ZNF783: variants seen among roughly 807,000 people sequenced by gnomAD.
ZNF783 encodes the protein zinc finger protein 783.
A neutral mutation model predicts 31.3 loss-of-function variants in ZNF783; 25 were observed. The ratio of observed to expected loss-of-function variants is 0.80; its 90% CI spans 0.58 to 1.11. ZNF783 has a LOEUF of 1.11. ZNF783 is among the 50% of genes most tolerant of loss of function. The pLI is 0.00. For synonymous variants in ZNF783, 369 were observed against 319.1 expected (o/e 1.16, Z -1.66); for missense variants, 797 against 760.0 (o/e 1.05, Z -0.57).
intron 4 of ZNF783, among the ~76,000 whole-genome samples, chr7:149,270,175 G>A (rs1359122010): frequency 6.6e-6 from 1 of 152,110 alleles, no homozygotes; most frequent in Non-Finnish European, 1.5e-5. Flanking sequence ...TAATCCTTTG[G>A]GTATATACCC....
chr7:149,280,630 T>C (rs1333381714), intron 5 of ZNF783, among the ~76,000 whole-genome samples: 3 of 152,186 alleles, frequency 2.0e-5, no homozygotes, highest in Non-Finnish European at 4.4e-5. Flanking sequence ...TGTGGTCCGA[T>C]GATGATGGAA....
At chr7:149,274,144 A>C (rs1230424521) in intron 4 of ZNF783, among the ~76,000 whole-genome samples, 4 of 152,320 alleles carry the variant, frequency 2.6e-5, no homozygotes, top group Admixed American at 2.6e-4. Flanking sequence ...ATCTTTGCCC[A>C]GAACAATGTC....
At chr7:149,277,707 C>G (rs1272336191) in intron 4 of ZNF783, 1 of 149,950 alleles carries the variant, frequency 6.7e-6, no homozygotes, top group South Asian at 2.1e-4. Flanking sequence ...CCACTGCACT[C>G]CAGCCTGGGC....
chr7:149,266,490 C>T lies in ZNF783; in HGVS notation c.180C>T (p.Cys60=). The change falls in exon 2 of 6, where the codon TGC becomes TGT. Residue 60 remains cysteine (C), a synonymous_variant. Transcript: ENST00000434415. ...CCTTGGAGAAGAAGGTGGATTCCTG[C>T]CTGACCCGCTTGCTGACTCTGGAGG... ...IQALEKKVDS[C]LTRLLTLEGR... is the part of the protein sequence containing the mutation. 5 of 1,613,228 alleles carry T rather than the reference C, an allele frequency of 3.1e-6. No individual in the cohort carries two copies. The South Asian group carries it at 4.4e-5, about 14-fold the overall frequency.
chr7:149,266,512 G>T lies in ZNF783; in HGVS notation c.202G>T (p.Glu68Ter). ...DSCLTRLLTLEGRTGTAEKKL... is the reference protein window; with the variant it reads ...DSCLTRLLTL ...CTGCCTGACCCGCTTGCTGACTCTG[G>T]AGGGGCGCACGGGGACAGCCGAGAA... Residue 68 changes from glutamate to a stop codon, truncating the protein, a stop_gained, in exon 2 of 6, where the codon GAG (glutamate) becomes TAG (stop). Transcript: ENST00000434415. LOFTEE classifies it high-confidence loss of function. The T allele has an allele frequency of 6.2e-7, 1 of 1,614,028 alleles. No individual in the cohort carries two copies.
At position 149,282,350 on chromosome 7, in the gene ZNF783, A is replaced by G. The variant is rs1329442353; in HGVS notation, c.*7A>G. 1.3e-6 allele frequency: 2 copies of G among 1,490,908 alleles called. No homozygotes were observed. Among genetic ancestry groups the G allele is most frequent in the East Asian group, 2.5e-5 (1 of 40,642 alleles). The allele number at this position is 1,490,908 out of a possible 1,614,324, so 92.4% of individuals were successfully genotyped here. On this transcript the variant is annotated 3_prime_UTR_variant, in exon 6 of 6. Coordinates refer to ENST00000434415, the MANE Select transcript of ZNF783 (RefSeq NM_001195220.2). ...CCGGAAGGAGGAGGGCTGACCTGGC[A>G]GGAGCCCACAGAGGACCCCTGGCGG...
intron 4 of ZNF783, among the ~76,000 whole-genome samples, chr7:149,273,554 T>A (rs1342333924): frequency 6.6e-6 from 1 of 152,154 alleles, no homozygotes; most frequent in South Asian, 2.1e-4. Context: ...CTTTTTTTTT[T>A]TTTTGAGATA....
intron 4 of ZNF783, among the ~76,000 whole-genome samples, chr7:149,269,869 G>A (rs1283125118): frequency 1.5e-5 from 2 of 133,600 alleles, no homozygotes; most frequent in African/African-American, 5.8e-5. Context: ...CCCTTTCTGT[G>A]TCCATGTGTT....
intron 4 of ZNF783, among the ~76,000 whole-genome samples, chr7:149,269,725 T>A (rs985458189): frequency 2.0e-5 from 3 of 152,084 alleles, no homozygotes; most frequent in African/African-American, 7.2e-5. Flanking sequence ...AATGTGCAGG[T>A]TTGTTACATA....
rs752231991 is a variant in ZNF783, at chr7:149,266,403, G to A, written c.93G>A (p.Glu31=). ...CACCCTTGCCCCAGCCAGCTGCTGA[G>A]AAGAACTCGTACCTCTACTCCACGG... The part of the protein sequence containing the change: ...PSTPLPQPAA[E]KNSYLYSTEI... Residue 31 remains glutamate, a synonymous_variant, in exon 2 of 6, where the codon GAG becomes GAA. Coordinates refer to ENST00000434415, the MANE Select transcript of ZNF783 (RefSeq NM_001195220.2). 1 of 1,600,836 alleles carries A rather than the reference G, an allele frequency of 6.2e-7. No individual in the cohort carries two copies. The highest frequency in any genetic ancestry group is 1.1e-5 in the South Asian group (1 of 91,042).
In ZNF783 at chr7:149,281,635, C is replaced by T. The variant is rs1797468898; in HGVS notation, c.933C>T (p.Gly311=). The change falls in exon 6 of 6, where the codon GGC becomes GGT. Residue 311 remains glycine, a synonymous_variant. Transcript: ENST00000434415. Reference sequence around the variant, plus strand: ...GAGGGCCCAGGAACAGGCCTGGGGGCCCCAGCCGTCATCAGGCCCAGGGCA... The same window carrying T: ...GAGGGCCCAGGAACAGGCCTGGGGGTCCCAGCCGTCATCAGGCCCAGGGCA... ...IPRGPRNRPG[G]PSRHQAQGMP... 6.5e-7 allele frequency: 1 copy of T among 1,544,056 alleles called. No homozygotes were observed. Among genetic ancestry groups the T allele is most frequent in the Non-Finnish European group, 8.6e-7 (1 of 1,157,424 alleles).
intron 4 of ZNF783, 32 bp from the exon 5 acceptor site, chr7:149,278,367 T>G (rs1563198458): frequency 6.3e-7 from 1 of 1,598,404 alleles, no homozygotes; most frequent in South Asian, 1.1e-5. Context: ...ACCTCCATGT[T>G]GTGCTCAATG....
intron 1 of ZNF783, among the ~76,000 whole-genome samples, chr7:149,262,685 C>G (rs889053917): frequency 2.0e-5 from 3 of 152,192 alleles, no homozygotes; most frequent in South Asian, 2.1e-4. Context: ...CGCGGCCCCC[C>G]CTACAGCAGG....
At position 149,266,726 on chromosome 7, in the gene ZNF783, C is replaced by T; in HGVS notation, c.416C>T (p.Pro139Leu). Reference sequence around the variant, plus strand: ...CCCCCGGGCAGCAAGGGGGAGGCCCCCAAGGTAGCACCGGGACACCCTGGG... The same window carrying T: ...CCCCCGGGCAGCAAGGGGGAGGCCCTCAAGGTAGCACCGGGACACCCTGGG... The part of the protein sequence containing the change: ...RLPPGSKGEA[P>L]KVPVTFDDVA... The change falls in exon 2 of 6, where the codon CCC (proline) becomes CTC (leucine). Residue 139 changes from proline to leucine, a missense_variant. By Grantham distance (98) the Pro-to-Leu change is moderately conservative. Coordinates refer to ENST00000434415, the MANE Select transcript of ZNF783 (RefSeq NM_001195220.2). 1 of 1,613,752 alleles carries T rather than the reference C, an allele frequency of 6.2e-7. No individual in the cohort carries two copies. The highest frequency in any genetic ancestry group is 8.5e-7 in the Non-Finnish European group (1 of 1,179,830).
chr7:149,278,233 G>A (rs2129525131), intron 4 of ZNF783, 166 bp from the exon 5 acceptor site: 2 of 1,423,784 alleles, frequency 1.4e-6, no homozygotes, highest in Non-Finnish European at 1.8e-6. Flanking sequence ...GCTTTAGACT[G>A]GAATCTAGCT....
Position 149,266,352 on chromosome 7 carries a change from G to T in ZNF783, c.42G>T (p.Lys14Asn). 1 of 1,589,006 alleles carries T rather than the reference G, an allele frequency of 6.3e-7. No homozygotes were observed. The highest frequency in any genetic ancestry group is 1.1e-5 in the South Asian group (1 of 89,878). ...AAPARDPETD[K>N]HTEDQSPSTP... is the part of the protein sequence containing the mutation. ...GTGAGCAGGACCCCGAGACAGACAAGCACACAGAGGACCAGAGTCCTTCGA... is the reference window on the plus strand; with the variant it reads ...GTGAGCAGGACCCCGAGACAGACAATCACACAGAGGACCAGAGTCCTTCGA... Residue 14 changes from lysine (K) to asparagine (N), a missense_variant, in exon 2 of 6, where the codon AAG becomes AAT. Coordinates refer to ENST00000434415, the MANE Select transcript of ZNF783 (RefSeq NM_001195220.2).
rs375273505 is a variant in ZNF783, at chr7:149,266,888, C to G, written c.490C>G (p.Gln164Glu). The G allele has an allele frequency of 1.1e-5, 18 of 1,613,924 alleles. No individual in the cohort carries two copies. The highest frequency in any genetic ancestry group is 1.7e-6 in the Non-Finnish European group (2 of 1,179,996). ...ELEWGKLEDW[Q>E]KELYKHVMRG... ...GGAGTGGGGCAAGCTGGAGGACTGG[C>G]AGAAGGAGCTCTACAAGCACGTGAT... The change falls in exon 3 of 6, where the codon CAG (glutamine) becomes GAG (glutamate). Residue 164 changes from glutamine (Q) to glutamate (E), a missense_variant. Gln to Glu is a conservative substitution (Grantham distance 29). Coordinates refer to ENST00000434415, the MANE Select transcript of ZNF783 (RefSeq NM_001195220.2).
chr7:149,266,891 A>G lies in ZNF783; in HGVS notation c.493A>G (p.Lys165Glu). Residue 165 changes from lysine (K) to glutamate (E), a missense_variant, in exon 3 of 6, where the codon AAG becomes GAG. Lys to Glu is a moderately conservative substitution (Grantham distance 56, BLOSUM62 1). Coordinates refer to ENST00000434415, the MANE Select transcript of ZNF783 (RefSeq NM_001195220.2). ...LEWGKLEDWQ[K>E]ELYKHVMRGN... is the part of the protein sequence containing the mutation. Reference sequence around the variant, plus strand: ...GTGGGGCAAGCTGGAGGACTGGCAGAAGGAGCTCTACAAGCACGTGATGAG... The same window carrying G: ...GTGGGGCAAGCTGGAGGACTGGCAGGAGGAGCTCTACAAGCACGTGATGAG... 1 of 1,614,062 alleles carries G rather than the reference A, an allele frequency of 6.2e-7. No homozygotes were observed. The highest frequency in any genetic ancestry group is 2.2e-5 in the East Asian group (1 of 44,860).
intron 4 of ZNF783, among the ~76,000 whole-genome samples, chr7:149,271,292 T>C (rs776678599): frequency 4.3e-4 from 65 of 152,356 alleles, no homozygotes; most frequent in Non-Finnish European, 8.2e-4. Flanking sequence ...CAATCTTAAA[T>C]TCTCAACGAA....
Sources: allele counts gnomAD v4.1 joint callset (sites outside exome capture counted in the v4.1 genomes callset), GRCh38; gene constraint gnomAD v4.1.1; transcripts MANE v1.5; gene names NCBI Gene and HGNC (gene_info 2026-07-23, HGNC 2026-07-21).